CCDC6: variants seen among roughly 807,000 people sequenced by gnomAD.
The protein encoded by CCDC6 is coiled-coil domain-containing protein 6.
CCDC6 carries 20 observed loss-of-function variants against 56.6 expected under a neutral mutation model. The ratio of observed to expected loss-of-function variants is 0.35; its 90% CI spans 0.25 to 0.51. The LOEUF is 0.51. Among genes scored for constraint, CCDC6 ranks in the 20% least tolerant of loss-of-function variants. The probability of loss-of-function intolerance (pLI) is 0.95; values close to 1 mark genes in which losing one functional copy is unlikely to be tolerated. For synonymous variants in CCDC6, 241 were observed against 234.4 expected (o/e 1.03, Z -0.26); for missense variants, 367 against 601.1 (o/e 0.61, Z 4.07).
In CCDC6 at chr10:59,794,551, T is replaced by A; in HGVS notation, c.1152A>T (p.Ser384=). The change falls in exon 8 of 9, where the codon TCA becomes TCT. Residue 384 remains serine (S), a synonymous_variant. Coordinates refer to ENST00000263102, the MANE Select transcript of CCDC6 (RefSeq NM_005436.5). ...SHTVGFTPPT[S]LTRAGMSYYN... is the part of the protein sequence containing the mutation. Reference sequence around the variant, plus strand: ...AATAAGACATTCCAGCTCTAGTCAGTGAAGTTGGTGGCGTGAAACCAACCG... The same window carrying A: ...AATAAGACATTCCAGCTCTAGTCAGAGAAGTTGGTGGCGTGAAACCAACCG... The A allele has an allele frequency of 6.2e-7, 1 of 1,614,032 alleles. No individual in the cohort carries two copies. The highest frequency in any genetic ancestry group is 8.5e-7 in the Non-Finnish European group (1 of 1,179,862).
intron 3 of CCDC6, among the ~76,000 whole-genome samples, chr10:59,824,926 C>T (rs2070775882): frequency 6.6e-6 from 1 of 152,156 alleles, no homozygotes; most frequent in Admixed American, 6.5e-5. Flanking sequence ...CACTAAATTT[C>T]ATTTCCTTAA....
intron 1 of CCDC6, among the ~76,000 whole-genome samples, chr10:59,860,225 C>A (rs1149660): frequency 0.16 from 24,908 of 152,098 alleles, 2,588 homozygotes; most frequent in African/African-American, 0.29. Flanking sequence ...GTAGGAAACC[C>A]TCCCATCCCC....
chr10:59,803,621 G>A (rs2070594927), intron 7 of CCDC6, among the ~76,000 whole-genome samples: 1 of 152,126 alleles, frequency 6.6e-6, no homozygotes, highest in Admixed American at 6.5e-5. Context: ...TCCACCCTCT[G>A]CTCCTCTTTC....
Position 59,906,285 on chromosome 10 carries a change from C to T in CCDC6, c.140G>A (p.Gly47Glu). The T allele has an allele frequency of 6.2e-7, 1 of 1,608,916 alleles. No homozygotes were observed. Among genetic ancestry groups the T allele is most frequent in the Non-Finnish European group, 8.5e-7 (1 of 1,179,658 alleles). ...GGGGGGGGKSGGIVISPFRLE... is the reference protein window; with the variant it reads ...GGGGGGGGKSEGIVISPFRLE... ...GCGGAACGGCGAGATGACAATGCCC[C>T]CCGACTTCCCACCGCCGCCGCCTCC... The change falls in exon 1 of 9, where the codon GGG (glycine) becomes GAG (glutamate). Residue 47 changes from glycine (G) to glutamate (E), a missense_variant. By Grantham distance (98) the Gly-to-Glu change is moderately conservative. Transcript: ENST00000263102.
At chr10:59,903,400 G>A (rs1005812256) in intron 1 of CCDC6, among the ~76,000 whole-genome samples, 8 of 152,132 alleles carry the variant, frequency 5.3e-5, no homozygotes, top group East Asian at 3.8e-4. Context: ...CAGGGGTTAC[G>A]TGGGAAATCT....
intron 2 of CCDC6, among the ~76,000 whole-genome samples, chr10:59,848,700 T>A (rs1297818296): frequency 6.6e-6 from 1 of 152,208 alleles, no homozygotes; most frequent in Non-Finnish European, 1.5e-5. Context: ...CAACATTAAG[T>A]GAGAACTTAC....
At chr10:59,861,974 G>T (rs1238227157) in intron 1 of CCDC6, among the ~76,000 whole-genome samples, 1 of 152,094 alleles carries the variant, frequency 6.6e-6, no homozygotes, top group East Asian at 1.9e-4. Context: ...GAAAGTCCCA[G>T]TCAGGATAAA....
rs112510529 is a variant in CCDC6 at position 59,810,279 on chromosome 10, C to G, written c.847+2356G>C. On this transcript the variant is annotated intron_variant, in intron 5 of 8. Coordinates refer to ENST00000263102, the MANE Select transcript of CCDC6 (RefSeq NM_005436.5). Reference sequence around the variant, plus strand: ...CACTAACACATCCTTTAGGCCCAATCCAATCACTGCAAGCAGCTAAGTGCC... The same window carrying G: ...CACTAACACATCCTTTAGGCCCAATGCAATCACTGCAAGCAGCTAAGTGCC... Among the ~76,000 whole-genome samples, 306 of 152,314 alleles carry G rather than the reference C, an allele frequency of 2.0e-3. 3 individuals are homozygous for G. The highest frequency in any genetic ancestry group is 6.7e-3 in the African/African-American group (280 of 41,564).
At chr10:59,875,810 A>G (rs1284573335) in intron 1 of CCDC6, among the ~76,000 whole-genome samples, 2 of 152,178 alleles carry the variant, frequency 1.3e-5, no homozygotes, top group Non-Finnish European at 2.9e-5. Context: ...TAAGACCTAC[A>G]AAGCAAGTTA....
chr10:59,817,735 T>C (rs2070719430), intron 3 of CCDC6, among the ~76,000 whole-genome samples: 1 of 152,208 alleles, frequency 6.6e-6, no homozygotes. Context: ...ATGTAACTAA[T>C]GAGGCATGTG....
rs534074793 is a variant in CCDC6 at position 59,864,412 on chromosome 10, A to C, written c.304-11710T>G. Among the ~76,000 whole-genome samples the C allele has an allele frequency of 6.2e-4, 94 of 152,328 alleles. No homozygotes were observed. In the South Asian group the frequency reaches 8.7e-3, roughly 14 times the overall value. On this transcript the variant is annotated intron_variant, in intron 1 of 8. Transcript: ENST00000263102. ...GCAACCTTCTTTTCCTTACAAAACA[A>C]AGTTAGCACCTAACAACCCTTTCAG...
intron 2 of CCDC6, among the ~76,000 whole-genome samples, chr10:59,847,748 T>C (rs1589048940): frequency 6.7e-6 from 1 of 149,700 alleles, no homozygotes; most frequent in Non-Finnish European, 1.5e-5. Flanking sequence ...ACAAAGAAAA[T>C]AACATAACCT....
intron 1 of CCDC6, among the ~76,000 whole-genome samples, chr10:59,891,541 AC>A (rs1293839919): frequency 6.6e-6 from 1 of 152,186 alleles, no homozygotes; most frequent in African/African-American, 2.4e-5. Flanking sequence ...GGCAGCAATC[AC>A]CCAGAGCTAC....
chr10:59,791,921 A>C lies in CCDC6; in HGVS notation c.*996T>G, dbSNP rs1392610423. ...CTTATTTTCTTTTCTGCCAAGCAATACAATATTTTCTGGCCATTATGCCAA... is the reference window on the plus strand; with the variant it reads ...CTTATTTTCTTTTCTGCCAAGCAATCCAATATTTTCTGGCCATTATGCCAA... On this transcript the variant is annotated 3_prime_UTR_variant, in exon 9 of 9. Transcript: ENST00000263102. 1.4e-5 allele frequency: 3 copies of C among 221,172 alleles called. No individual in the cohort carries two copies. Among genetic ancestry groups the C allele is most frequent in the Non-Finnish European group, 2.7e-5 (3 of 110,326 alleles). The allele number at this position is 221,172 out of a possible 1,614,324, so 13.7% of individuals were successfully genotyped here.
chr10:59,820,909 G>A (rs751862105), intron 3 of CCDC6, among the ~76,000 whole-genome samples: 2 of 149,512 alleles, frequency 1.3e-5, no homozygotes, highest in African/African-American at 2.5e-5. Flanking sequence ...ACGAGAGTGT[G>A]TTGGGGATTT....
intron 5 of CCDC6, among the ~76,000 whole-genome samples, chr10:59,809,061 A>G (rs1269268576): frequency 6.6e-6 from 1 of 152,238 alleles, no homozygotes; most frequent in African/African-American, 2.4e-5. Context: ...CTTTTAATAT[A>G]AACGATTTAA....
In CCDC6 at chr10:59,794,593, T is replaced by C; in HGVS notation, c.1110A>G (p.Leu370=). The C allele has an allele frequency of 3.1e-6, 5 of 1,613,798 alleles. No individual in the cohort carries two copies. Among genetic ancestry groups the C allele is most frequent in the African/African-American group, 2.7e-5 (2 of 75,044 alleles). ...PSSSRPISPG[L]SYASHTVGFT... is the part of the protein sequence containing the mutation. ...AACCAACCGTGTGACTTGCATATGA[T>C]AGACCTAAAATATAACAACAAATTA... Residue 370 remains leucine, a synonymous_variant, in exon 8 of 9, where the codon CTA becomes CTG. Coordinates refer to ENST00000263102, the MANE Select transcript of CCDC6 (RefSeq NM_005436.5).
intron 2 of CCDC6, among the ~76,000 whole-genome samples, chr10:59,836,327 T>TA (rs2070882385): frequency 6.6e-6 from 1 of 152,190 alleles, no homozygotes; most frequent in East Asian, 1.9e-4. Flanking sequence ...ATTTTAAAGC[T>TA]ATAGCTCATG....
chr10:59,828,144 C>T lies in CCDC6; in HGVS notation c.582+4381G>A, dbSNP rs118036184. On this transcript the variant is annotated intron_variant, in intron 3 of 8. Transcript: ENST00000263102. ...ATTTCTTGACATGAACAGAAAATTC[C>T]AAGTTCCAAATGTTCTTACCATTAC... 1.7e-3 allele frequency among the ~76,000 whole-genome samples: 263 copies of T among 152,236 alleles called. 10 individuals are homozygous for T. The East Asian group carries it at 0.042, about 24-fold the overall frequency.
Sources: allele counts gnomAD v4.1 joint callset (sites outside exome capture counted in the v4.1 genomes callset), GRCh38; gene constraint gnomAD v4.1.1; transcripts MANE v1.5; gene names NCBI Gene and HGNC (gene_info 2026-07-23, HGNC 2026-07-21).